The following SLC2A7 variants were observed in gnomAD, a reference collection of about 807,000 sequenced individuals.
The protein encoded by SLC2A7 is solute carrier family 2 member 7.
A neutral mutation model predicts 50.5 loss-of-function variants in SLC2A7; 50 were observed. That is an observed-to-expected ratio of 0.99 (90% confidence interval 0.79 to 1.25). The LOEUF is 1.25. Among genes scored for constraint, SLC2A7 ranks in the 50% most tolerant of loss-of-function variants. The pLI is 0.00. For missense variants in SLC2A7, 683 were observed against 679.1 expected, an observed-to-expected ratio of 1.01 and a Z score of -0.06; for synonymous variants, 308 against 300.4, an observed-to-expected ratio of 1.03 and a Z score of -0.26.
Position 9,017,499 on chromosome 1 carries a change from G to T in SLC2A7, c.589+724C>A, listed in dbSNP as rs967901106. On this transcript the variant is annotated intron_variant, in intron 5 of 11. Transcript: ENST00000400906. ...GACCTACACAGACAGGCCTCGCGGG[G>T]TCTCCCCACTCAGTCCATTTACGTC... Among the ~76,000 whole-genome samples the T allele has an allele frequency of 3.3e-5, 5 of 152,198 alleles. 1 individual carries two copies. Among genetic ancestry groups the T allele is most frequent in the African/African-American group, 4.8e-5 (2 of 41,444 alleles).
intron 2 of SLC2A7, among the ~76,000 whole-genome samples, 160 bp from the exon 3 acceptor site, chr1:9,023,238 C>A (rs1198963564): frequency 6.6e-6 from 1 of 152,046 alleles, no homozygotes; most frequent in African/African-American, 2.4e-5. Flanking sequence ...ACCTGAGAAT[C>A]AAAAAATCTA....
chr1:9,003,691 C>G (rs1640609076), intron 11 of SLC2A7, among the ~76,000 whole-genome samples, 173 bp from the exon 12 acceptor site: 1 of 152,062 alleles, frequency 6.6e-6, no homozygotes, highest in Non-Finnish European at 1.5e-5. Flanking sequence ...AACCCTGTCT[C>G]TATTAAAAAT....
chr1:9,003,947 G>A (rs575756536), intron 11 of SLC2A7, among the ~76,000 whole-genome samples: 1 of 151,934 alleles, frequency 6.6e-6, no homozygotes, highest in South Asian at 2.1e-4. Flanking sequence ...GGAGTTGCTT[G>A]GCAGCCAGTT....
intron 4 of SLC2A7, 51 bp downstream of exon 4, chr1:9,019,158 G>A: frequency 1.5e-5 from 24 of 1,585,782 alleles, no homozygotes; most frequent in Non-Finnish European, 2.0e-5. Flanking sequence ...TCCAGCCTTG[G>A]CCAAACAGAC....
In SLC2A7 at chr1:9,023,041, C is replaced by T. The variant is rs148940357; in HGVS notation, c.188G>A (p.Arg63Gln). Residue 63 changes from arginine to glutamine, a missense_variant, in exon 3 of 12, where the codon CGA (arginine) becomes CAA (glutamine). Coordinates refer to ENST00000400906, the MANE Select transcript of SLC2A7 (RefSeq NM_207420.3). ...KSFYNETYFERHATFMDGKLM... is the reference protein window; with the variant it reads ...KSFYNETYFEQHATFMDGKLM... ...CTTCCCGTCCATGAATGTTGCGTGT[C>T]GCTCAAAGTAGGTTTCGTTGTAAAA... is the stretch of plus-strand genomic sequence containing the variant. 5.6e-4 allele frequency: 903 copies of T among 1,614,028 alleles called. No individual in the cohort carries two copies. Among genetic ancestry groups the T allele is most frequent in the Non-Finnish European group, 7.2e-4 (851 of 1,179,950 alleles).
At chr1:9,014,157 C>T (rs1482163254) in intron 7 of SLC2A7, among the ~76,000 whole-genome samples, 3 of 152,256 alleles carry the variant, frequency 2.0e-5, no homozygotes, top group Non-Finnish European at 4.4e-5. Flanking sequence ...GCCAAGGCCA[C>T]CTCTTCCCGA....
chr1:9,005,832 C>G (rs1640646667), intron 10 of SLC2A7, among the ~76,000 whole-genome samples: 1 of 151,718 alleles, frequency 6.6e-6, no homozygotes, highest in South Asian at 2.1e-4. Flanking sequence ...CGATCTCCCT[C>G]TCTGGATGGA....
intron 10 of SLC2A7, among the ~76,000 whole-genome samples, chr1:9,006,343 G>A (rs1640653006): frequency 6.6e-6 from 1 of 152,156 alleles, no homozygotes; most frequent in South Asian, 2.1e-4. Flanking sequence ...CAACCTCTGG[G>A]TTCAAGTGAT....
chr1:9,025,063 C>T lies in SLC2A7; in HGVS notation c.63G>A (p.Pro21=), dbSNP rs758500928. The T allele has an allele frequency of 3.2e-5, 52 of 1,612,280 alleles. No individual in the cohort carries two copies. Among genetic ancestry groups the T allele is most frequent in the Admixed American group, 8.3e-5 (5 of 60,004 alleles). Reference sequence around the variant, plus strand: ...CGCTCAGTGTCGCCAGCAACAGCGTCGGCTGGAGCCGCTGTAGGAGACAAG... The same window carrying T: ...CGCTCAGTGTCGCCAGCAACAGCGTTGGCTGGAGCCGCTGTAGGAGACAAG... ...PIPSREGRLQ[P]TLLLATLSAA... Residue 21 remains proline, a synonymous_variant, in exon 2 of 12, where the codon CCG becomes CCA. Coordinates refer to ENST00000400906, the MANE Select transcript of SLC2A7 (RefSeq NM_207420.3).
intron 1 of SLC2A7, 39 bp downstream of exon 1, chr1:9,026,256 G>A (rs1198692248): frequency 6.3e-7 from 1 of 1,599,110 alleles, no homozygotes; most frequent in Non-Finnish European, 8.5e-7. Context: ...ACAGCTGGTG[G>A]GAGAGGGACA....
chr1:9,005,747 G>A (rs995429964), intron 10 of SLC2A7, among the ~76,000 whole-genome samples: 5 of 141,430 alleles, frequency 3.5e-5, no homozygotes, highest in East Asian at 2.1e-4. Context: ...TGGAGGTTGC[G>A]CTCCAGCCTG....
At chr1:9,017,333 C>T (rs1640845634) in intron 5 of SLC2A7, among the ~76,000 whole-genome samples, 1 of 152,004 alleles carries the variant, frequency 6.6e-6, no homozygotes, top group Admixed American at 6.6e-5. Context: ...ACAACAACAA[C>T]AAAACAACAA....
chr1:9,021,294 GC>G (rs2124264303), intron 3 of SLC2A7, among the ~76,000 whole-genome samples: 1 of 152,272 alleles, frequency 6.6e-6, no homozygotes, highest in South Asian at 2.1e-4. Context: ...ACTGGCGCGA[GC>G]CCCCGTGCCC....
chr1:9,004,871 G>C lies in SLC2A7; in HGVS notation c.1201C>G (p.Pro401Ala), dbSNP rs760260995. Residue 401 changes from proline to alanine, a missense_variant, in exon 11 of 12, where the codon CCC becomes GCC. By Grantham distance (27) the Pro-to-Ala change is conservative. Coordinates refer to ENST00000400906, the MANE Select transcript of SLC2A7 (RefSeq NM_207420.3). ...AAGATCTCGGTCCTCACCACCGAGG[G>C]GACAGGACCTGGAGGGCAGAGCAGG... ...AGHSIGPSPV[P>A]SVVRTEIFLQ... 6 of 1,613,768 alleles carry C rather than the reference G, an allele frequency of 3.7e-6. No individual in the cohort carries two copies. The highest frequency in any genetic ancestry group is 5.1e-6 in the Non-Finnish European group (6 of 1,179,810).
At chr1:9,014,910 G>A (rs759561594) in intron 6 of SLC2A7, 42 bp from the exon 7 acceptor site, 22 of 1,537,584 alleles carry the variant, frequency 1.4e-5, no homozygotes, top group Non-Finnish European at 1.9e-5. Context: ...CCGTCTCCCT[G>A]CAGGCTGGGC....
chr1:9,023,009 G>A lies in SLC2A7; in HGVS notation c.220C>T (p.Leu74=). The change falls in exon 3 of 12, where the codon CTG becomes TTG. Residue 74 remains leucine (L), a synonymous_variant. Transcript: ENST00000400906. ...HATFMDGKLM[L]LLWSCTVSMF... is the part of the protein sequence containing the mutation. ...GAGACGGTGCAAGACCATAGAAGCA[G>A]CATGAGCTTCCCGTCCATGAATGTT... The A allele has an allele frequency of 1.9e-6, 3 of 1,614,190 alleles. No individual in the cohort carries two copies. The highest frequency in any genetic ancestry group is 2.5e-6 in the Non-Finnish European group (3 of 1,180,034).
chr1:9,007,429 C>T (rs1216568046), intron 9 of SLC2A7, 44 bp from the exon 10 acceptor site: 2 of 1,600,160 alleles, frequency 1.2e-6, no homozygotes, highest in African/African-American at 1.3e-5. Flanking sequence ...CCAGGAGCCC[C>T]ACGTGCGGGG....
In SLC2A7 at chr1:9,003,394, G is replaced by T. The variant is rs774459512; in HGVS notation, c.1445C>A (p.Ala482Asp). ...TGGAAGCTTCACCCTGTTTCTCTTGGCAAAAATGCGGTTTATCTCCACAAA... is the reference window on the plus strand; with the variant it reads ...TGGAAGCTTCACCCTGTTTCTCTTGTCAAAAATGCGGTTTATCTCCACAAA... Reference protein sequence around the residue: ...KTFVEINRIFAKRNRVKLPEE... With the variant: ...KTFVEINRIFDKRNRVKLPEE... The change falls in exon 12 of 12, where the codon GCC becomes GAC. Residue 482 changes from alanine to aspartate, a missense_variant. Ala to Asp is a moderately radical substitution (Grantham distance 126, BLOSUM62 -2). Coordinates refer to ENST00000400906, the MANE Select transcript of SLC2A7 (RefSeq NM_207420.3). 2 of 1,614,184 alleles carry T rather than the reference G, an allele frequency of 1.2e-6. No homozygotes were observed. The highest frequency in any genetic ancestry group is 1.6e-4 in the Middle Eastern group (1 of 6,062).
At position 9,018,270 on chromosome 1, in the gene SLC2A7, A is replaced by T. The variant is rs992365200; in HGVS notation, c.542T>A (p.Phe181Tyr). The T allele has an allele frequency of 2.5e-6, 4 of 1,613,988 alleles. No individual in the cohort carries two copies. The African/African-American group carries it at 4.0e-5, about 16-fold the overall frequency. ...CTGGAGGCTGAAGATCTGTGCTAGG[A>T]AGACTCCAACGATGACGAAAACCTC... The part of the protein sequence containing the change: ...MTEVFVIVGV[F>Y]LAQIFSLQAI... The change falls in exon 5 of 12, where the codon TTC becomes TAC. Residue 181 changes from phenylalanine to tyrosine, a missense_variant. By Grantham distance (22) the Phe-to-Tyr change is conservative. Coordinates refer to ENST00000400906, the MANE Select transcript of SLC2A7 (RefSeq NM_207420.3).
Sources: allele counts gnomAD v4.1 joint callset (sites outside exome capture counted in the v4.1 genomes callset), GRCh38; gene constraint gnomAD v4.1.1; transcripts MANE v1.5; gene names NCBI Gene and HGNC (gene_info 2026-07-23, HGNC 2026-07-21).